Variants in CDHR3 observed in about 807,000 individuals in gnomAD.
CDHR3 encodes cadherin-related family member 3.
In CDHR3, 79 loss-of-function variants were observed where a neutral mutation model predicts 86.6. The ratio of observed to expected loss-of-function variants is 0.91; its 90% confidence interval spans 0.76 to 1.10. The LOEUF is 1.10. CDHR3 is among the 50% of genes least tolerant of loss of function. The probability of loss-of-function intolerance (pLI) is 0.00; values close to 1 mark genes in which losing one functional copy is unlikely to be tolerated. For missense variants in CDHR3, 1,081 were observed against 1,077.6 expected (o/e 1.00, Z -0.04); for synonymous variants, 421 against 402.4 (o/e 1.05, Z -0.55).
At chr7:105,979,397 A>G (rs1002107138) in intron 2 of CDHR3, among the ~76,000 whole-genome samples, 10 of 151,736 alleles carry the variant, frequency 6.6e-5, no homozygotes, top group African/African-American at 2.2e-4. Flanking sequence ...AATCTTCCAT[A>G]CCCTCTCCTT....
chr7:105,986,972 C>T (rs770101128), intron 4 of CDHR3, among the ~76,000 whole-genome samples: 2 of 152,094 alleles, frequency 1.3e-5, no homozygotes, highest in East Asian at 3.8e-4. Context: ...ATTACTATAA[C>T]GTTTGTATAA....
In CDHR3 at chr7:106,008,199, C is replaced by T. The variant is rs184619296; in HGVS notation, c.1052+3512C>T. Among the ~76,000 whole-genome samples, 270 of 152,110 alleles carry T rather than the reference C, an allele frequency of 1.8e-3. 1 individual carries two copies. Among genetic ancestry groups the T allele is most frequent in the African/African-American group, 6.1e-3 (254 of 41,490 alleles). Reference sequence around the variant, plus strand: ...AGATGAGATTTGGGTGGGGACACAGCCAAACCATATCAGATACCAACCAAC... The same window carrying T: ...AGATGAGATTTGGGTGGGGACACAGTCAAACCATATCAGATACCAACCAAC... On this transcript the variant is annotated intron_variant, in intron 8 of 18. Transcript: ENST00000317716.
Position 106,030,714 on chromosome 7 carries a change from G to A in CDHR3, c.2305-78G>A. ...CAAGAAGGCTTTGGTTAAGGAACTTGGGTTGTGAGGATGTGTAGCTTTGCC... is the reference window on the plus strand; with the variant it reads ...CAAGAAGGCTTTGGTTAAGGAACTTAGGTTGTGAGGATGTGTAGCTTTGCC... On this transcript the variant is annotated intron_variant, in intron 17 of 18. Transcript: ENST00000317716. The surrounding 1 kb of genome is among the most constrained non-coding windows in gnomAD (Gnocchi z 4.8). 6 of 1,387,258 alleles carry A rather than the reference G, an allele frequency of 4.3e-6. No individual in the cohort carries two copies. The highest frequency in any genetic ancestry group is 6.0e-6 in the Non-Finnish European group (6 of 993,132). 85.9% of individuals were successfully genotyped at this position (1,387,258 alleles called of 1,614,324 possible). A position where few individuals can be genotyped will look rare whatever the true frequency, so the allele number is the denominator to read the frequency against.
chr7:105,982,391 C>T (rs1829882321), intron 3 of CDHR3, among the ~76,000 whole-genome samples: 1 of 149,828 alleles, frequency 6.7e-6, no homozygotes, highest in African/African-American at 2.5e-5. Flanking sequence ...ATGGCATGAA[C>T]CCGGGAGGTG....
intron 1 of CDHR3, among the ~76,000 whole-genome samples, chr7:105,966,902 A>C (rs1295433212): frequency 6.6e-6 from 1 of 152,170 alleles, no homozygotes; most frequent in Non-Finnish European, 1.5e-5. Flanking sequence ...AGCTGGTGCA[A>C]AATTAATCTT....
intron 13 of CDHR3, among the ~76,000 whole-genome samples, chr7:106,021,163 G>A (rs371783917): frequency 1.5e-4 from 23 of 152,078 alleles, no homozygotes; most frequent in East Asian, 9.7e-4. Flanking sequence ...ATATACCATC[G>A]TAGGGAAAAA....
At chr7:105,982,554 C>T (rs766730425) in intron 3 of CDHR3, among the ~76,000 whole-genome samples, 7 of 151,938 alleles carry the variant, frequency 4.6e-5, no homozygotes, top group African/African-American at 1.5e-4. Flanking sequence ...CTCCTCCTTT[C>T]CCCTTCTCCC....
intron 1 of CDHR3, among the ~76,000 whole-genome samples, chr7:105,967,290 C>A (rs1294180088): frequency 6.6e-6 from 1 of 152,096 alleles, no homozygotes. Flanking sequence ...TGAACTCATC[C>A]TTTTTTATGG....
At chr7:105,975,760 A>T (rs1256497389) in intron 2 of CDHR3, among the ~76,000 whole-genome samples, 2 of 152,090 alleles carry the variant, frequency 1.3e-5, no homozygotes, top group Non-Finnish European at 2.9e-5. Context: ...ATGTTTCAGT[A>T]TTCCCTGCCC....
In CDHR3 at chr7:106,020,557, G is replaced by A. The variant is rs767375916; in HGVS notation, c.1825+13G>A. On this transcript the variant is annotated intron_variant, in intron 13 of 18. Coordinates refer to ENST00000317716, the MANE Select transcript of CDHR3 (RefSeq NM_152750.5). The stretch of plus-strand genomic sequence containing the variant: ...TCCATTGGCCCAGGTATAGTACTTG[G>A]TGTCGACAATCCTGGCCCTGTCTCT... The A allele has an allele frequency of 1.2e-6, 2 of 1,607,448 alleles. No individual in the cohort carries two copies. Among genetic ancestry groups the A allele is most frequent in the South Asian group, 2.2e-5 (2 of 90,386 alleles).
intron 13 of CDHR3, among the ~76,000 whole-genome samples, chr7:106,020,830 C>G (rs1335097250): frequency 6.6e-6 from 1 of 152,152 alleles, no homozygotes; most frequent in Non-Finnish European, 1.5e-5. Context: ...GACACAAAAT[C>G]TAGCAGCCCC....
intron 16 of CDHR3, among the ~76,000 whole-genome samples, chr7:106,026,979 G>C (rs1190480554): frequency 6.6e-6 from 1 of 152,162 alleles, no homozygotes; most frequent in Non-Finnish European, 1.5e-5. Context: ...TCTGTCCCTT[G>C]CTGCATGGCA....
At chr7:105,970,927 G>A (rs1221273758) in intron 1 of CDHR3, among the ~76,000 whole-genome samples, 3 of 152,020 alleles carry the variant, frequency 2.0e-5, no homozygotes, top group African/African-American at 7.2e-5. Flanking sequence ...GGATCACAAG[G>A]TCAGGAGATC....
chr7:106,004,750 C>T (rs1021460466), intron 8 of CDHR3, 63 bp downstream of exon 8: 2 of 1,470,122 alleles, frequency 1.4e-6, no homozygotes, highest in Non-Finnish European at 1.9e-6. Flanking sequence ...TGCCCTTCTG[C>T]TTCTCTGGTA....
At chr7:106,002,863 G>A (rs1421558007) in intron 7 of CDHR3, among the ~76,000 whole-genome samples, 1 of 152,134 alleles carries the variant, frequency 6.6e-6, no homozygotes, top group Non-Finnish European at 1.5e-5. Context: ...GCCAGGCATG[G>A]TGGCTCATGT....
At chr7:106,017,443 C>T (rs1835809979) in intron 11 of CDHR3, among the ~76,000 whole-genome samples, 1 of 151,958 alleles carries the variant, frequency 6.6e-6, no homozygotes. Context: ...CCTGTAATCC[C>T]AGCTACTTGG....
In CDHR3 at chr7:106,020,501, C is replaced by T. The variant is rs752451541; in HGVS notation, c.1782C>T (p.Asp594=). The T allele has an allele frequency of 2.2e-5, 36 of 1,613,870 alleles. No homozygotes were observed. In the South Asian group the frequency reaches 4.0e-4, roughly 18 times the overall value. Reference sequence around the variant, plus strand: ...AGAATTTCAAGCTGACATGTACCGACCTTGATTCCAGCCCCAGATCTTTCC... The same window carrying T: ...AGAATTTCAAGCTGACATGTACCGATCTTGATTCCAGCCCCAGATCTTTCC... ...NIQNFKLTCT[D]LDSSPRSFRY... is the part of the protein sequence containing the mutation. Residue 594 remains aspartate (D), a synonymous_variant, in exon 13 of 19, where the codon GAC becomes GAT. Coordinates refer to ENST00000317716, the MANE Select transcript of CDHR3 (RefSeq NM_152750.5).
chr7:106,023,831 G>A (rs1036598477), intron 14 of CDHR3, among the ~76,000 whole-genome samples: 2 of 152,196 alleles, frequency 1.3e-5, no homozygotes, highest in Admixed American at 1.3e-4. Flanking sequence ...TGGGCTCAGA[G>A]CATGACCTGA....
At chr7:106,003,829 G>C (rs893065369) in intron 7 of CDHR3, among the ~76,000 whole-genome samples, 4 of 152,074 alleles carry the variant, frequency 2.6e-5, no homozygotes, top group African/African-American at 9.7e-5. Context: ...TGCCCTGTCA[G>C]CTGATAGTGT....
Sources: gnomAD v4.1 joint callset for allele counts (sites outside exome capture counted in the v4.1 genomes callset) on GRCh38, gnomAD v4.1.1 for gene constraint, Gnocchi (gnomAD v3.1) non-coding constraint, MANE v1.5 for transcripts, NCBI Gene and HGNC (gene_info 2026-07-23, HGNC 2026-07-21) for gene names.